The following JAKMIP3 variants were observed in gnomAD, a reference collection of about 807,000 sequenced individuals.
The protein encoded by JAKMIP3 is Janus kinase and microtubule interacting protein 3.
JAKMIP3 carries 58 observed loss-of-function variants against 118.5 expected under a neutral mutation model. That is an observed-to-expected ratio of 0.49 (90% CI 0.40 to 0.61). The LOEUF is 0.61. JAKMIP3 is among the 20% of genes least tolerant of loss of function. JAKMIP3 has a pLI of 0.00. For synonymous variants in JAKMIP3, 486 were observed against 451.2 expected (o/e 1.08, Z -0.98); for missense variants, 950 against 1,109.0 (o/e 0.86, Z 2.04).
At position 132,180,724 on chromosome 10, in the gene JAKMIP3, T is replaced by TGCGC. The variant is rs71228746; in HGVS notation, c.*1104-1632_*1104-1631insCGCG. On this transcript the variant is annotated intron_variant, in intron 23 of 23. Coordinates refer to ENST00000684848, the MANE Select transcript of JAKMIP3 (RefSeq NM_001323087.2). ...GTGTGTGTGCGCGTGTGTGTGCGTG[T>TGCGC]GTGTGCGTGTGTGCGTGCGTGCGCG... Among the ~76,000 whole-genome samples the TGCGC allele has an allele frequency of 2.2e-3, 42 of 19,100 alleles. 7 individuals are homozygous for TGCGC. The highest frequency in any genetic ancestry group is 0.011 in the African/African-American group (39 of 3,668). The allele number at this position is 19,100 out of a possible 152,430, so 12.5% of individuals were successfully genotyped here. A position where few individuals can be genotyped will look rare whatever the true frequency, so the allele number is the denominator to read the frequency against.
intron 1 of JAKMIP3, among the ~76,000 whole-genome samples, chr10:132,074,659 T>C (rs2040494018): frequency 6.6e-6 from 1 of 152,246 alleles, no homozygotes; most frequent in African/African-American, 2.4e-5. Context: ...ATCGTTTCTT[T>C]TGCTGTGCAG....
In JAKMIP3 at chr10:132,133,471, C is replaced by T. The variant is rs770112586; in HGVS notation, c.793C>T (p.Arg265Trp). ...EADRHPGSPRRELPHAAGAGD... is the reference protein window; with the variant it reads ...EADRHPGSPRWELPHAAGAGD... The stretch of plus-strand genomic sequence containing the variant: ...CGACCGGCACCCGGGCAGCCCCAGA[C>T]GGGAACTTCCTCATGCAGCTGGTGC... Residue 265 changes from arginine to tryptophan, a missense_variant, in exon 4 of 24, where the codon CGG (arginine) becomes TGG (tryptophan). Transcript: ENST00000684848. 1.5e-5 allele frequency: 23 copies of T among 1,583,192 alleles called. No individual in the cohort carries two copies. The highest frequency in any genetic ancestry group is 2.3e-5 in the East Asian group (1 of 43,098).
In JAKMIP3 at chr10:132,136,000, A is replaced by G. The variant is rs1589904330; in HGVS notation, c.1040A>G (p.Lys347Arg). The G allele has an allele frequency of 6.2e-7, 1 of 1,613,680 alleles. No homozygotes were observed. Among genetic ancestry groups the G allele is most frequent in the Non-Finnish European group, 8.5e-7 (1 of 1,179,774 alleles). Residue 347 changes from lysine (K) to arginine (R), a missense_variant, in exon 6 of 24, where the codon AAG becomes AGG. Coordinates refer to ENST00000684848, the MANE Select transcript of JAKMIP3 (RefSeq NM_001323087.2). ...GATAAAAACAAGCGCCTCAGTCGGAAGAACGAGGATTTGTCTCATGCTTTA... is the reference window on the plus strand; with the variant it reads ...GATAAAAACAAGCGCCTCAGTCGGAGGAACGAGGATTTGTCTCATGCTTTA... ...LLDKNKRLSR[K>R]NEDLSHALRR...
intron 3 of JAKMIP3, among the ~76,000 whole-genome samples, chr10:132,120,064 G>A (rs904118833): frequency 6.6e-6 from 1 of 152,194 alleles, no homozygotes. Context: ...AGAGACAAAG[G>A]CACAGGCCTC....
chr10:132,087,114 A>G (rs150237895), intron 1 of JAKMIP3, among the ~76,000 whole-genome samples: 11 of 152,274 alleles, frequency 7.2e-5, no homozygotes, highest in African/African-American at 2.4e-4. Context: ...TCTTTCATTT[A>G]TGAAGCTTAG....
At chr10:132,166,399 C>T (rs1379182587) in intron 21 of JAKMIP3, among the ~76,000 whole-genome samples, 1 of 152,174 alleles carries the variant, frequency 6.6e-6, no homozygotes, top group Non-Finnish European at 1.5e-5. Flanking sequence ...CGATGCCCCA[C>T]TGCCCGATTT....
intron 14 of JAKMIP3, 111 bp from the exon 15 acceptor site, chr10:132,149,301 G>A: frequency 1.4e-6 from 1 of 705,048 alleles, no homozygotes; most frequent in East Asian, 2.9e-5. Context: ...TAAATGCTGT[G>A]TTGATCCCTG....
intron 23 of JAKMIP3, among the ~76,000 whole-genome samples, chr10:132,173,223 A>G (rs184214797): frequency 3.8e-4 from 12 of 31,218 alleles, no homozygotes; most frequent in African/African-American, 1.7e-3. Flanking sequence ...TCTCTCTCTC[A>G]TCATCTACCT....
chr10:132,074,440 C>G (rs549767739), intron 1 of JAKMIP3, among the ~76,000 whole-genome samples: 1 of 152,270 alleles, frequency 6.6e-6, no homozygotes, highest in East Asian at 1.9e-4. Flanking sequence ...CTGGTGATTA[C>G]TGACATTGAA....
At chr10:132,171,900 T>G (rs1323227243) in intron 23 of JAKMIP3, among the ~76,000 whole-genome samples, 1 of 152,102 alleles carries the variant, frequency 6.6e-6, no homozygotes, top group Non-Finnish European at 1.5e-5. Flanking sequence ...GTGATCTGCC[T>G]GCCTCGGCCT....
chr10:132,141,120 C>G (rs937145581), intron 10 of JAKMIP3, among the ~76,000 whole-genome samples: 3 of 152,216 alleles, frequency 2.0e-5, no homozygotes, highest in African/African-American at 7.2e-5. Context: ...TGTTGTGGGA[C>G]CCAGACCCTG....
intron 23 of JAKMIP3, among the ~76,000 whole-genome samples, chr10:132,170,405 T>G (rs998104569): frequency 6.6e-6 from 1 of 152,020 alleles, no homozygotes; most frequent in Non-Finnish European, 1.5e-5. Flanking sequence ...TCCCACCCCC[T>G]GCGGGCCAGG....
intron 1 of JAKMIP3, among the ~76,000 whole-genome samples, chr10:132,077,957 A>ATG (rs2041093284): frequency 6.6e-6 from 1 of 152,194 alleles, no homozygotes; most frequent in African/African-American, 2.4e-5. Context: ...GACTACAGGC[A>ATG]TGTGCCACCA....
intron 1 of JAKMIP3, among the ~76,000 whole-genome samples, chr10:132,083,891 A>G (rs982738407): frequency 1.3e-5 from 2 of 152,162 alleles, no homozygotes; most frequent in Non-Finnish European, 2.9e-5. Context: ...CCATTGGTCT[A>G]TGTGCCTGTT....
upstream of JAKMIP3, among the ~76,000 whole-genome samples, chr10:132,061,171 A>G (rs11146139): frequency 0.015 from 1,772 of 121,892 alleles, 155 homozygotes; most frequent in East Asian, 0.23. Context: ...TATCAATAGC[A>G]CACACACACC....
intron 11 of JAKMIP3, chr10:132,144,770 A>C (rs568665531): frequency 4.8e-6 from 1 of 207,874 alleles, no homozygotes; most frequent in South Asian, 8.7e-5. Flanking sequence ...CTCTACAAAA[A>C]ATACAAAAAT....
chr10:132,048,091 G>A (rs1485033084), intron 1 of JAKMIP3, among the ~76,000 whole-genome samples: 2 of 152,234 alleles, frequency 1.3e-5, no homozygotes, highest in African/African-American at 4.8e-5. Flanking sequence ...GTGCATTTTG[G>A]TAGGAATAGC....
intron 23 of JAKMIP3, among the ~76,000 whole-genome samples, chr10:132,180,766 TGTGC>T (rs1565022327): frequency 3.3e-5 from 1 of 30,300 alleles, no homozygotes; most frequent in African/African-American, 1.3e-4. Context: ...TGTGCGTGTG[TGTGC>T]GTGTGTGTGT....
At chr10:132,140,325 C>A in intron 9 of JAKMIP3, 126 bp from the exon 10 acceptor site, 1 of 1,380,964 alleles carries the variant, frequency 7.2e-7, no homozygotes, top group Non-Finnish European at 1.0e-6. Context: ...GTGCCAGGGA[C>A]AGAGATGGGA....
Sources: gnomAD v4.1 joint callset for allele counts (sites outside exome capture counted in the v4.1 genomes callset) on GRCh38, gnomAD v4.1.1 for gene constraint, MANE v1.5 for transcripts, NCBI Gene and HGNC (gene_info 2026-07-23, HGNC 2026-07-21) for gene names.